Variants in NKAIN2 observed in about 807,000 individuals in gnomAD.
The protein encoded by NKAIN2 is sodium/potassium-transporting ATPase subunit beta-1-interacting protein 2.
Under a neutral mutation model 32.6 loss-of-function variants are expected in NKAIN2, and 14 were observed. The observed-to-expected ratio is 0.43, with a 90% confidence interval of 0.28 to 0.67. NKAIN2 has a LOEUF of 0.67. Ranked by LOEUF, NKAIN2 falls within the 30% of genes least tolerant of loss-of-function variation. NKAIN2 has a pLI of 0.17. For missense variants in NKAIN2, 198 were observed against 258.3 expected (o/e 0.77, Z 1.60); for synonymous variants, 80 against 87.2 (o/e 0.92, Z 0.46).
chr6:123,971,220 T>G (rs1331981443), intron 1 of NKAIN2, among the ~76,000 whole-genome samples: 1 of 152,096 alleles, frequency 6.6e-6, no homozygotes, highest in Non-Finnish European at 1.5e-5. Flanking sequence ...ACAGTGGAAC[T>G]AATGCTCTAG....
intron 1 of NKAIN2, among the ~76,000 whole-genome samples, chr6:124,001,782 G>T (rs1779884628): frequency 7.3e-6 from 1 of 136,398 alleles, no homozygotes; most frequent in Non-Finnish European, 1.5e-5. Flanking sequence ...AATAGAAAAA[G>T]AAGTTCTCTT....
At chr6:124,059,050 A>G (rs940387362) in intron 1 of NKAIN2, among the ~76,000 whole-genome samples, 7 of 152,128 alleles carry the variant, frequency 4.6e-5, no homozygotes, top group African/African-American at 1.2e-4. Context: ...CACCCTCCAT[A>G]TATTATGCAC....
intron 1 of NKAIN2, among the ~76,000 whole-genome samples, chr6:124,028,875 GTATATATA>G (rs1204342995): frequency 1.6e-4 from 6 of 37,180 alleles, no homozygotes; most frequent in Admixed American, 3.2e-4. Flanking sequence ...ACACATATAT[GTATATATA>G]TGTGTATATA....
intron 1 of NKAIN2, among the ~76,000 whole-genome samples, chr6:124,084,611 G>T (rs991298359): frequency 6.6e-6 from 1 of 151,886 alleles, no homozygotes; most frequent in African/African-American, 2.4e-5. Context: ...CTTTTCCAAA[G>T]TGCTTTCCCA....
chr6:124,776,303 G>A (rs146103778), intron 4 of NKAIN2, among the ~76,000 whole-genome samples: 69 of 152,242 alleles, frequency 4.5e-4, no homozygotes, highest in African/African-American at 1.6e-3. Context: ...CTGGCTTCTT[G>A]CTGACAGTAC....
chr6:124,362,491 T>C (rs1227436506), intron 3 of NKAIN2, among the ~76,000 whole-genome samples: 1 of 152,184 alleles, frequency 6.6e-6, no homozygotes, highest in Admixed American at 6.5e-5. Context: ...TTCCTTTTAC[T>C]ACCCCTAAAG....
chr6:124,415,428 A>C (rs141226687), intron 3 of NKAIN2, among the ~76,000 whole-genome samples: 1 of 152,340 alleles, frequency 6.6e-6, no homozygotes, highest in African/African-American at 2.4e-5. Context: ...TGGAGTGTGG[A>C]GCTTCCAAGC....
chr6:124,618,410 G>A (rs190870748), intron 3 of NKAIN2, among the ~76,000 whole-genome samples: 312 of 152,222 alleles, frequency 2.0e-3, no homozygotes, highest in African/African-American at 6.9e-3. Context: ...CCAGGGAGGC[G>A]GAGGTTGCAG....
intron 1 of NKAIN2, among the ~76,000 whole-genome samples, chr6:123,841,725 C>T (rs1248631150): frequency 6.6e-6 from 1 of 152,104 alleles, no homozygotes; most frequent in Non-Finnish European, 1.5e-5. Flanking sequence ...CCTCAACGTC[C>T]AGGATGCTAT....
At chr6:124,000,947 G>A (rs772507364) in intron 1 of NKAIN2, among the ~76,000 whole-genome samples, 2 of 152,134 alleles carry the variant, frequency 1.3e-5, no homozygotes, top group Admixed American at 6.6e-5. Flanking sequence ...AAAGCAGTAC[G>A]TGTAAAAGCT....
intron 2 of NKAIN2, among the ~76,000 whole-genome samples, chr6:124,308,438 G>A (rs1796597933): frequency 6.6e-6 from 1 of 152,108 alleles, no homozygotes; most frequent in African/African-American, 2.4e-5. Context: ...GATAAGCCAA[G>A]TTTACATGAG....
intron 3 of NKAIN2, among the ~76,000 whole-genome samples, chr6:124,651,455 G>A (rs1028596745): frequency 1.3e-5 from 2 of 152,138 alleles, no homozygotes; most frequent in Non-Finnish European, 2.9e-5. Context: ...TTCTGCCTGG[G>A]CCCCAGGCTG....
chr6:124,541,547 A>T (rs1049490012), intron 3 of NKAIN2, among the ~76,000 whole-genome samples: 1 of 152,198 alleles, frequency 6.6e-6, no homozygotes, highest in African/African-American at 2.4e-5. Context: ...GAGGAAAAGT[A>T]TGTGCTTTCC....
At chr6:124,182,681 C>T (rs1037134259) in intron 1 of NKAIN2, among the ~76,000 whole-genome samples, 1 of 152,024 alleles carries the variant, frequency 6.6e-6, no homozygotes, top group Admixed American at 6.6e-5. Flanking sequence ...CTGTCTATAT[C>T]CATATATTAA....
chr6:124,401,867 C>A (rs767452479), intron 3 of NKAIN2, among the ~76,000 whole-genome samples: 6 of 152,036 alleles, frequency 3.9e-5, no homozygotes, highest in Non-Finnish European at 8.8e-5. Context: ...TTTTTATTCT[C>A]CTAATGATGT....
chr6:124,708,526 G>A (rs971624781), intron 4 of NKAIN2, among the ~76,000 whole-genome samples: 3 of 152,152 alleles, frequency 2.0e-5, no homozygotes, highest in South Asian at 2.1e-4. Context: ...ACTGAGCAGT[G>A]GTTTGTAGTT....
chr6:124,192,254 C>T (rs1448532103), intron 1 of NKAIN2, among the ~76,000 whole-genome samples: 1 of 152,158 alleles, frequency 6.6e-6, no homozygotes, highest in East Asian at 1.9e-4. Context: ...CCTCCAAGCA[C>T]TATTTTCACA....
intron 4 of NKAIN2, among the ~76,000 whole-genome samples, chr6:124,705,554 G>A (rs566281694): frequency 6.6e-6 from 1 of 152,144 alleles, no homozygotes; most frequent in South Asian, 2.1e-4. Flanking sequence ...GCATCCCAGG[G>A]TATTTAAAAA....
At chr6:124,057,417 G>A (rs1357545882) in intron 1 of NKAIN2, among the ~76,000 whole-genome samples, 3 of 152,088 alleles carry the variant, frequency 2.0e-5, no homozygotes, top group South Asian at 2.1e-4. Flanking sequence ...CAATTTAGTG[G>A]GAAATGGTAG....
Sources: gnomAD v4.1 joint callset for allele counts (sites outside exome capture counted in the v4.1 genomes callset) on GRCh38, gnomAD v4.1.1 for gene constraint, MANE v1.5 for transcripts, NCBI Gene and HGNC (gene_info 2026-07-23, HGNC 2026-07-21) for gene names.